The following PLAGL1 variants were observed in gnomAD, a reference collection of about 807,000 sequenced individuals.
PLAGL1 encodes the protein zinc finger protein PLAGL1.
Under a neutral mutation model 4.6 loss-of-function variants are expected in PLAGL1, and 1 was observed. The observed-to-expected ratio is 0.22, with a 90% CI of 0.08 to 1.03. PLAGL1 has a LOEUF of 1.03. Ranked by LOEUF, PLAGL1 falls within the 50% of genes least tolerant of loss-of-function variation. The pLI, the probability that PLAGL1 is intolerant of heterozygous loss-of-function variation, is 0.58. For synonymous variants in PLAGL1, 240 were observed against 237.8 expected (o/e 1.01, Z -0.08); for missense variants, 464 against 570.4 (o/e 0.81, Z 1.90).
intron 1 of PLAGL1, among the ~76,000 whole-genome samples, chr6:144,014,874 C>A (rs1300553023): frequency 6.6e-6 from 1 of 152,070 alleles, no homozygotes; most frequent in East Asian, 1.9e-4. Flanking sequence ...GCCACTGTCC[C>A]CAGCCTAGAT....
intron 1 of PLAGL1, among the ~76,000 whole-genome samples, chr6:144,054,663 T>C (rs1798816551): frequency 6.8e-6 from 1 of 147,528 alleles, no homozygotes; most frequent in Non-Finnish European, 1.5e-5. Flanking sequence ...GCTTAAAACC[T>C]AGATGACGGG....
rs944103435 is a variant in PLAGL1 at position 143,947,463 on chromosome 6, C to T, written c.152+522G>A. Among the ~76,000 whole-genome samples the T allele has an allele frequency of 2.6e-5, 4 of 152,208 alleles. No individual in the cohort carries two copies. Among genetic ancestry groups the T allele is most frequent in the Non-Finnish European group, 5.9e-5 (4 of 68,032 alleles). On this transcript the variant is annotated intron_variant, in intron 7 of 7. Coordinates refer to ENST00000674357, the MANE Select transcript of PLAGL1 (RefSeq NM_001317162.2). This position sits in a 1 kb window ranked among gnomAD's most constrained non-coding sequence, Gnocchi z 4.3. ...CCCTCTCAGACAGAGGTAAGGCCTG[C>T]TATACGTGGCTTCCTTCCTGCCTGC...
Position 143,979,011 on chromosome 6 carries a change from C to T in PLAGL1, c.-544+6124G>A, listed in dbSNP as rs1178210499. On this transcript the variant is annotated intron_variant, in intron 2 of 7. Coordinates refer to ENST00000674357, the MANE Select transcript of PLAGL1 (RefSeq NM_001317162.2). The surrounding 1 kb of genome is among the most constrained non-coding windows in gnomAD (Gnocchi z 4.6). ...AGATCATTTATTCTTGATGAGTTCA[C>T]CACTTTATCATTATGAAACAACTCT... Among the ~76,000 whole-genome samples the T allele has an allele frequency of 1.3e-5, 2 of 152,130 alleles. No homozygotes were observed. Among genetic ancestry groups the T allele is most frequent in the African/African-American group, 2.4e-5 (1 of 41,440 alleles).
At position 143,955,361 on chromosome 6, in the gene PLAGL1, TG is replaced by T. The variant is rs1781899798; in HGVS notation, c.-325+5107del. 1.3e-5 allele frequency among the ~76,000 whole-genome samples: 2 copies of T among 152,248 alleles called. No individual in the cohort carries two copies. The highest frequency in any genetic ancestry group is 3.9e-4 in the East Asian group (2 of 5,174). On this transcript the variant is annotated intron_variant, in intron 6 of 7. Coordinates refer to ENST00000674357, the MANE Select transcript of PLAGL1 (RefSeq NM_001317162.2). This position sits in a 1 kb window ranked among gnomAD's most constrained non-coding sequence, Gnocchi z 4.9. ...CAAAGGAGAAAACAGGCTAGAGAGATGGAGAATCGTGAAGGGTCCACTCTAC... is the reference window on the plus strand; with the variant it reads ...CAAAGGAGAAAACAGGCTAGAGAGATGAGAATCGTGAAGGGTCCACTCTAC...
rs1355156894 is a variant in PLAGL1, at chr6:143,964,113, G to A, written c.-399+674C>T. ...CCCCCATCCCAGGGCCTGATAAGGA[G>A]GTATGTCAGTCCCCAGCAATAGAGG... On this transcript the variant is annotated intron_variant, in intron 5 of 7. Transcript: ENST00000674357. This position sits in a 1 kb window ranked among gnomAD's most constrained non-coding sequence, Gnocchi z 4.3. Among the ~76,000 whole-genome samples the A allele has an allele frequency of 7.9e-5, 12 of 152,050 alleles. No homozygotes were observed. The highest frequency in any genetic ancestry group is 7.9e-4 in the Admixed American group (12 of 15,272).
chr6:144,045,921 C>A (rs938132971), intron 1 of PLAGL1, among the ~76,000 whole-genome samples: 12 of 152,058 alleles, frequency 7.9e-5, no homozygotes, highest in South Asian at 4.1e-4. Flanking sequence ...TCTCTTCTCA[C>A]TTCATTCATT....
At position 143,979,091 on chromosome 6, in the gene PLAGL1, C is replaced by T. The variant is rs946456966; in HGVS notation, c.-544+6044G>A. On this transcript the variant is annotated intron_variant, in intron 2 of 7. Coordinates refer to ENST00000674357, the MANE Select transcript of PLAGL1 (RefSeq NM_001317162.2). This position sits in a 1 kb window ranked among gnomAD's most constrained non-coding sequence, Gnocchi z 4.6. ...ATTTCTACTTTGTCTAATATGAATA[C>T]AGTCACCACAGTTTTAAAAAATCAG... Among the ~76,000 whole-genome samples, 1 of 152,182 alleles carries T rather than the reference C, an allele frequency of 6.6e-6. No individual in the cohort carries two copies. The highest frequency in any genetic ancestry group is 2.4e-5 in the African/African-American group (1 of 41,464).
chr6:144,001,647 T>C (rs951662676), intron 1 of PLAGL1, among the ~76,000 whole-genome samples: 1 of 152,036 alleles, frequency 6.6e-6, no homozygotes, highest in Non-Finnish European at 1.5e-5. Context: ...AAATAGACCA[T>C]GGAAAGGGGG....
At position 143,940,918 on chromosome 6, in the gene PLAGL1, TAATAG is replaced by T. The variant is rs1778440150; in HGVS notation, c.*501_*505del. ...ATGTAAAACTACAGGTTGGCTATGG[TAATAG>T]TAACTAAACTACATCCAACCCTGAA... is the stretch of plus-strand genomic sequence containing the variant. On this transcript the variant is annotated 3_prime_UTR_variant, in exon 8 of 8. Coordinates refer to ENST00000674357, the MANE Select transcript of PLAGL1 (RefSeq NM_001317162.2). 1 of 152,698 alleles carries T rather than the reference TAATAG, an allele frequency of 6.5e-6. No homozygotes were observed. The highest frequency in any genetic ancestry group is 1.5e-5 in the Non-Finnish European group (1 of 68,068). The allele number at this position is 152,698 out of a possible 1,614,324, so 9.5% of individuals were successfully genotyped here.
intron 1 of PLAGL1, among the ~76,000 whole-genome samples, chr6:144,018,200 T>G (rs1795698431): frequency 6.6e-6 from 1 of 152,100 alleles, no homozygotes; most frequent in South Asian, 2.1e-4. Flanking sequence ...CTCAAAAAAG[T>G]TAAAGAAAGA....
intron 1 of PLAGL1, among the ~76,000 whole-genome samples, chr6:143,996,468 G>A (rs571901082): frequency 1.1e-4 from 16 of 152,126 alleles, no homozygotes; most frequent in African/African-American, 3.4e-4. Context: ...AATTTTAAAT[G>A]GGCACATGAC....
intron 1 of PLAGL1, among the ~76,000 whole-genome samples, chr6:144,029,292 A>C (rs1389089068): frequency 2.0e-5 from 3 of 152,256 alleles, no homozygotes; most frequent in Admixed American, 2.0e-4. Flanking sequence ...AAAATTAATA[A>C]ATTCAACCAT....
In PLAGL1 at chr6:143,977,463, T is replaced by C. The variant is rs537400338; in HGVS notation, c.-544+7672A>G. On this transcript the variant is annotated intron_variant, in intron 2 of 7. Transcript: ENST00000674357. ...TCTTTTTTTTTTATTTTTTTCTTCT[T>C]CTTCTTCTTTTTTTTTTTTTTTTTT... is the stretch of plus-strand genomic sequence containing the variant. Among the ~76,000 whole-genome samples, 4 of 119,180 alleles carry C rather than the reference T, an allele frequency of 3.4e-5. No homozygotes were observed. The East Asian group carries it at 1.0e-3, about 31-fold the overall frequency. The allele number at this position is 119,180 out of a possible 152,430, so 78.2% of individuals were successfully genotyped here. A position where few individuals can be genotyped will look rare whatever the true frequency, so the allele number is the denominator to read the frequency against.
rs879822180 is a variant in PLAGL1, at chr6:143,990,683, GA to G, written c.-583-5510del. Among the ~76,000 whole-genome samples the G allele has an allele frequency of 6.6e-6, 1 of 152,142 alleles. No homozygotes were observed. The highest frequency in any genetic ancestry group is 1.5e-5 in the Non-Finnish European group (1 of 68,036). ...GAGGCTCAAGAGAGATTACTAGGTTGAGATAGTAAAAACGTACCTTCCCTTC... is the reference window on the plus strand; with the variant it reads ...GAGGCTCAAGAGAGATTACTAGGTTGGATAGTAAAAACGTACCTTCCCTTC... On this transcript the variant is annotated intron_variant, in intron 1 of 7. Transcript: ENST00000674357. This position sits in a 1 kb window ranked among gnomAD's most constrained non-coding sequence, Gnocchi z 5.4.
intron 1 of PLAGL1, among the ~76,000 whole-genome samples, chr6:144,045,510 T>C (rs1798072838): frequency 6.6e-6 from 1 of 152,230 alleles, no homozygotes; most frequent in Non-Finnish European, 1.5e-5. Context: ...ATGTTGAATA[T>C]TGGCCCCTGC....
At chr6:144,025,161 C>T (rs1452675059) in intron 1 of PLAGL1, among the ~76,000 whole-genome samples, 2 of 152,316 alleles carry the variant, frequency 1.3e-5, no homozygotes, top group African/African-American at 4.8e-5. Context: ...TTTTCCTTTA[C>T]TTTTGTAGTC....
intron 1 of PLAGL1, among the ~76,000 whole-genome samples, chr6:144,057,398 C>A (rs1799051522): frequency 6.6e-6 from 1 of 152,170 alleles, no homozygotes; most frequent in Non-Finnish European, 1.5e-5. Context: ...TTAAAAATCA[C>A]CTTTCTTCTC....
rs73781363 is a variant in PLAGL1, at chr6:144,055,256, G to T, written c.-151+9212C>A. Among the ~76,000 whole-genome samples, 3,260 of 152,200 alleles carry T rather than the reference G, an allele frequency of 0.021. 116 individuals carry two copies. Among genetic ancestry groups the T allele is most frequent in the African/African-American group, 0.072 (3,001 of 41,482 alleles). On this transcript the variant is annotated intron_variant, in intron 1 of 3. Coordinates refer to the PLAGL1 transcript ENST00000437412. The surrounding 1 kb of genome is among the most constrained non-coding windows in gnomAD (Gnocchi z 5.0). ...TGTTCGACAGAGAAGAAAGCTTACC[G>T]AGTGCTTAGTTCAACACTTTCATTT... is the stretch of plus-strand genomic sequence containing the variant.
At position 144,006,801 on chromosome 6, in the gene PLAGL1, C is replaced by CT. The variant is rs1794298609; in HGVS notation, c.-584+1288dup. 1.3e-5 allele frequency: 2 copies of CT among 152,090 alleles called. No individual in the cohort carries two copies. Among genetic ancestry groups the CT allele is most frequent in the Non-Finnish European group, 2.9e-5 (2 of 68,026 alleles). The allele number at this position is 152,090 out of a possible 1,614,324, so 9.4% of individuals were successfully genotyped here. A position where few individuals can be genotyped will look rare whatever the true frequency, so the allele number is the denominator to read the frequency against. On this transcript the variant is annotated intron_variant, in intron 1 of 7. Coordinates refer to ENST00000674357, the MANE Select transcript of PLAGL1 (RefSeq NM_001317162.2). The surrounding 1 kb of genome is among the most constrained non-coding windows in gnomAD (Gnocchi z 4.3). ...TTTATCTAGGGCAGTGGCTTTCAAA[C>CT]TTTTTTGTCCATGACTCATACTAAG...
Sources: gnomAD v4.1 joint callset for allele counts (sites outside exome capture counted in the v4.1 genomes callset) on GRCh38, gnomAD v4.1.1 for gene constraint, Gnocchi (gnomAD v3.1) non-coding constraint, MANE v1.5 for transcripts, NCBI Gene and HGNC (gene_info 2026-07-23, HGNC 2026-07-21) for gene names.